Variants in LIN7A observed in about 807,000 individuals in gnomAD.
LIN7A encodes the protein protein lin-7 homolog A.
LIN7A carries 25 observed loss-of-function variants against 29.8 expected under a neutral mutation model. That is an observed-to-expected ratio of 0.84 (90% CI 0.61 to 1.17). The LOEUF is 1.17. Among genes scored for constraint, LIN7A ranks in the 50% most tolerant of loss-of-function variants. The pLI, the probability that LIN7A is intolerant of heterozygous loss-of-function variation, is 0.00. For missense variants in LIN7A, 239 were observed against 287.0 expected, an observed-to-expected ratio of 0.83 and a Z score of 1.21; for synonymous variants, 118 against 107.5, an observed-to-expected ratio of 1.10 and a Z score of -0.60.
intron 1 of LIN7A, among the ~76,000 whole-genome samples, chr12:80,891,609 A>G (rs1176779370): frequency 2.0e-5 from 3 of 152,118 alleles, no homozygotes; most frequent in Non-Finnish European, 4.4e-5. Context: ...CTTTCACGGA[A>G]CTCACAGGCT....
rs767288350 is a variant in LIN7A, at chr12:80,839,841, C to A, written c.483+5889G>T. On this transcript the variant is annotated intron_variant, in intron 4 of 5. Transcript: ENST00000552864. ...AGGAAAACAATTTATTCTGTCCCAT[C>A]CCTAAACTTTTATTCACTCATCTGT... Among the ~76,000 whole-genome samples, 182 of 152,302 alleles carry A rather than the reference C, an allele frequency of 1.2e-3. 3 individuals carry two copies. In the Middle Eastern group the frequency reaches 0.065, roughly 54 times the overall value.
chr12:80,899,382 T>C (rs1221166309), intron 1 of LIN7A, among the ~76,000 whole-genome samples: 1 of 152,172 alleles, frequency 6.6e-6, no homozygotes, highest in African/African-American at 2.4e-5. Flanking sequence ...AGTTAGTTTG[T>C]TTACATTTTG....
At chr12:80,915,809 T>C (rs1358004811) in intron 1 of LIN7A, among the ~76,000 whole-genome samples, 2 of 152,156 alleles carry the variant, frequency 1.3e-5, no homozygotes, top group Admixed American at 1.3e-4. Flanking sequence ...TTCTCACTTA[T>C]AAGTGAGAGC....
intron 4 of LIN7A, among the ~76,000 whole-genome samples, chr12:80,829,155 G>A (rs1007070772): frequency 2.0e-5 from 3 of 152,082 alleles, no homozygotes; most frequent in African/African-American, 7.2e-5. Context: ...AGTAGTTTGG[G>A]CAAAATAAGT....
At chr12:80,816,626 GA>G (rs933873571) in intron 4 of LIN7A, among the ~76,000 whole-genome samples, 5 of 152,024 alleles carry the variant, frequency 3.3e-5, no homozygotes, top group African/African-American at 9.7e-5. Flanking sequence ...AGGAAGCTGG[GA>G]AAAAAATAGC....
chr12:80,805,141 T>A (rs987303955), intron 5 of LIN7A, among the ~76,000 whole-genome samples: 2 of 152,116 alleles, frequency 1.3e-5, no homozygotes, highest in South Asian at 4.1e-4. Flanking sequence ...ATGAGGCACT[T>A]AAAAGAGTTC....
At chr12:80,893,760 C>A (rs1875746053) in intron 1 of LIN7A, among the ~76,000 whole-genome samples, 1 of 152,172 alleles carries the variant, frequency 6.6e-6, no homozygotes, top group South Asian at 2.1e-4. Flanking sequence ...GACCCGCTTG[C>A]CCTCTCTGTC....
intron 4 of LIN7A, among the ~76,000 whole-genome samples, chr12:80,836,960 A>T (rs1351325635): frequency 1.3e-5 from 2 of 151,364 alleles, no homozygotes; most frequent in Non-Finnish European, 2.9e-5. Flanking sequence ...CTCATCAAAG[A>T]CCAGGCAAGA....
intron 4 of LIN7A, among the ~76,000 whole-genome samples, chr12:80,825,266 A>C (rs1414647588): frequency 6.6e-6 from 1 of 152,250 alleles, no homozygotes; most frequent in East Asian, 1.9e-4. Flanking sequence ...GAGGGCAGTT[A>C]AGTCATTTTT....
chr12:80,843,461 T>C (rs1286827648), intron 4 of LIN7A, among the ~76,000 whole-genome samples: 3 of 152,088 alleles, frequency 2.0e-5, no homozygotes, highest in Non-Finnish European at 2.9e-5. Flanking sequence ...GGGTTGTGAG[T>C]CGAACACTGC....
intron 1 of LIN7A, among the ~76,000 whole-genome samples, chr12:80,910,760 G>A (rs952525890): frequency 2.0e-5 from 3 of 152,030 alleles, no homozygotes; most frequent in Non-Finnish European, 4.4e-5. Context: ...TCCTTTTTGT[G>A]TATCTTCTGC....
intron 2 of LIN7A, among the ~76,000 whole-genome samples, chr12:80,876,029 G>A (rs1021844654): frequency 2.0e-5 from 3 of 151,274 alleles, no homozygotes; most frequent in African/African-American, 7.3e-5. Context: ...TTATCCGTGA[G>A]TTCCTTGGTT....
At chr12:80,828,430 A>G (rs945815900) in intron 4 of LIN7A, among the ~76,000 whole-genome samples, 6 of 152,218 alleles carry the variant, frequency 3.9e-5, no homozygotes, top group Non-Finnish European at 7.3e-5. Flanking sequence ...CAAAATCTCC[A>G]AGACATTATT....
intron 4 of LIN7A, among the ~76,000 whole-genome samples, chr12:80,812,244 T>C (rs1871324991): frequency 6.6e-6 from 1 of 151,516 alleles, no homozygotes; most frequent in African/African-American, 2.4e-5. Flanking sequence ...TACAAAATAA[T>C]GGAGACTCAA....
intron 2 of LIN7A, among the ~76,000 whole-genome samples, chr12:80,868,148 G>A (rs2895843): frequency 0.77 from 117,009 of 152,180 alleles, 45,877 homozygotes; most frequent in East Asian, 0.97. Context: ...GTTGCCTCCC[G>A]CAAGAGTGTA....
intron 1 of LIN7A, among the ~76,000 whole-genome samples, chr12:80,901,386 G>A (rs903896578): frequency 6.6e-6 from 1 of 152,030 alleles, no homozygotes; most frequent in African/African-American, 2.4e-5. Flanking sequence ...TCGGTCTAAT[G>A]ATCTCTCAAT....
At chr12:80,825,324 T>G (rs1460236135) in intron 4 of LIN7A, among the ~76,000 whole-genome samples, 1 of 152,238 alleles carries the variant, frequency 6.6e-6, no homozygotes, top group African/African-American at 2.4e-5. Flanking sequence ...CCTAGTGCCA[T>G]GGGGCATTAT....
chr12:80,907,052 GCT>G (rs66958018), intron 1 of LIN7A, among the ~76,000 whole-genome samples: 2,392 of 51,948 alleles, frequency 0.046, 67 homozygotes, highest in African/African-American at 0.076. Context: ...CAGAGTGCGT[GCT>G]CTGTGTGTGT....
chr12:80,847,262 C>T (rs1873120693), intron 3 of LIN7A, among the ~76,000 whole-genome samples: 1 of 152,120 alleles, frequency 6.6e-6, no homozygotes, highest in Non-Finnish European at 1.5e-5. Flanking sequence ...TTCACTTTCC[C>T]CTTAATTAAA....
Sources: gnomAD v4.1 joint callset for allele counts (sites outside exome capture counted in the v4.1 genomes callset) on GRCh38, gnomAD v4.1.1 for gene constraint, MANE v1.5 for transcripts, NCBI Gene and HGNC (gene_info 2026-07-23, HGNC 2026-07-21) for gene names.